Variants in LYNX1 observed in about 807,000 individuals in gnomAD.
LYNX1 encodes Ly6/neurotoxin 1, also known as ly-6/neurotoxin-like protein 1.
Under a neutral mutation model 8.3 loss-of-function variants are expected in LYNX1, and 8 were observed. The ratio of observed to expected loss-of-function variants is 0.97; its 90% CI spans 0.57 to 1.74. The LOEUF is 1.74. LYNX1 is among the 40% of genes most tolerant of loss of function. The pLI is 0.00. For synonymous variants in LYNX1, 73 were observed against 67.9 expected, an observed-to-expected ratio of 1.08 and a Z score of -0.37; for missense variants, 158 against 159.7, an observed-to-expected ratio of 0.99 and a Z score of 0.06.
In LYNX1 at chr8:142,775,217, T is replaced by G. The variant is rs1815353003; in HGVS notation, c.301A>C (p.Thr101Pro). The G allele has an allele frequency of 2.5e-6, 4 of 1,612,740 alleles. No homozygotes were observed. In the East Asian group the frequency reaches 8.9e-5, roughly 36 times the overall value. ...AGGAGGATGGGGGCCAGGGCCAGGG[T>G]GGCCGGGGTGGCAAGGCCGGTGCCG... ...CNGTGLATPA[T>P]LALAPILLAT... Residue 101 changes from threonine (T) to proline (P), a missense_variant, in exon 4 of 4, where the codon ACC becomes CCC. Transcript: ENST00000652477.
rs948030524 is a variant in LYNX1, at chr8:142,774,799, G to A, written c.*368C>T. The A allele has an allele frequency of 7.0e-5, 77 of 1,105,152 alleles. No individual in the cohort carries two copies. In the African/African-American group the frequency reaches 1.2e-3, roughly 17 times the overall value. The allele number at this position is 1,105,152 out of a possible 1,614,324, so 68.5% of individuals were successfully genotyped here. A position where few individuals can be genotyped will look rare whatever the true frequency, so the allele number is the denominator to read the frequency against. ...CTTCCCCCTGCCCCAGCACACCAGGGGCAGACTGAGGCAGGGGCCTCTCCT... is the reference window on the plus strand; with the variant it reads ...CTTCCCCCTGCCCCAGCACACCAGGAGCAGACTGAGGCAGGGGCCTCTCCT... On this transcript the variant is annotated 3_prime_UTR_variant, in exon 4 of 4. Transcript: ENST00000652477.
chr8:142,775,022 G>A lies in LYNX1; in HGVS notation c.*145C>T. The A allele has an allele frequency of 6.9e-7, 1 of 1,442,270 alleles. No individual in the cohort carries two copies. The highest frequency in any genetic ancestry group is 9.1e-7 in the Non-Finnish European group (1 of 1,101,574). 89.3% of individuals were successfully genotyped at this position (1,442,270 alleles called of 1,614,324 possible). ...GTCGTGTGGTGGTTGGGGGAGGTCG[G>A]GTGTCTTCTTGCCCACAGTCCTGAC... On this transcript the variant is annotated 3_prime_UTR_variant, in exon 4 of 4. Coordinates refer to ENST00000652477, the MANE Select transcript of LYNX1 (RefSeq NM_177477.4).
chr8:142,776,665 C>CT (rs2130122367), intron 1 of LYNX1: 1 of 153,284 alleles, frequency 6.5e-6, no homozygotes, highest in Admixed American at 6.5e-5. Context: ...TCCTCGGCCA[C>CT]TGCAGAAGCT....
Position 142,775,633 on chromosome 8 carries a change from G to A in LYNX1, c.114C>T (p.Arg38=), listed in dbSNP as rs747662452. ...YNGDNCFNPM[R]CPAMVAYCMT... is the part of the protein sequence containing the mutation. ...TGCAGTAGGCAACCATAGCCGGGCA[G>A]CGCATGGGGTTGAAGCAGTTGTCTC... is the stretch of plus-strand genomic sequence containing the variant. The change falls in exon 3 of 4, where the codon CGC becomes CGT. Residue 38 remains arginine, a synonymous_variant. Transcript: ENST00000652477. 6 of 1,602,878 alleles carry A rather than the reference G, an allele frequency of 3.7e-6. No individual in the cohort carries two copies. The South Asian group carries it at 4.5e-5, about 12-fold the overall frequency.
In LYNX1 at chr8:142,774,117, C is replaced by A; in HGVS notation, c.*1050G>T. 2 of 985,256 alleles carry A rather than the reference C, an allele frequency of 2.0e-6. No homozygotes were observed. The highest frequency in any genetic ancestry group is 2.4e-6 in the Non-Finnish European group (2 of 829,838). The allele number at this position is 985,256 out of a possible 1,614,324, so 61.0% of individuals were successfully genotyped here. ...GGAGGGACCCACTCACTGTGCGCAT[C>A]CCGCTGCGGGGGAGGGGCTGGGTCT... On this transcript the variant is annotated 3_prime_UTR_variant, in exon 4 of 4. Transcript: ENST00000652477.
intron 1 of LYNX1, 127 bp from the exon 2 acceptor site, chr8:142,776,248 G>A: frequency 2.0e-6 from 1 of 493,372 alleles, no homozygotes; most frequent in South Asian, 2.1e-5. Flanking sequence ...GTTTCCTGGA[G>A]GAGGAGACAC....
chr8:142,774,406 A>T lies in LYNX1; in HGVS notation c.*761T>A, dbSNP rs187418754. On this transcript the variant is annotated 3_prime_UTR_variant, in exon 4 of 4. Coordinates refer to ENST00000652477, the MANE Select transcript of LYNX1 (RefSeq NM_177477.4). Reference sequence around the variant, plus strand: ...CTGGCCGGGTCAGCGTCCAGGACCCACCAAATATAGCATGGCCCTAGCTCC... The same window carrying T: ...CTGGCCGGGTCAGCGTCCAGGACCCTCCAAATATAGCATGGCCCTAGCTCC... 1,837 of 985,674 alleles carry T rather than the reference A, an allele frequency of 1.9e-3. 25 individuals are homozygous for T. The African/African-American group carries it at 0.028, about 15-fold the overall frequency. 61.1% of individuals were successfully genotyped at this position (985,674 alleles called of 1,614,324 possible).
chr8:142,776,009 C>T lies in LYNX1; in HGVS notation c.-52G>A. ...AGTGGGGAGGTCAACAGCAGCTAGC[C>T]CTGGATCCAACTCAGGGGTGGCGCA... On this transcript the variant is annotated 5_prime_UTR_variant, in exon 2 of 4. Transcript: ENST00000652477. 1 of 1,604,948 alleles carries T rather than the reference C, an allele frequency of 6.2e-7. No individual in the cohort carries two copies. The highest frequency in any genetic ancestry group is 8.5e-7 in the Non-Finnish European group (1 of 1,174,334).
Position 142,775,575 on chromosome 8 carries a change from C to T in LYNX1, c.154+18G>A. On this transcript the variant is annotated intron_variant, in intron 3 of 3. Coordinates refer to ENST00000652477, the MANE Select transcript of LYNX1 (RefSeq NM_177477.4). ...TTCGTGCTCCCCAGGCAGGGCCACG[C>T]AGGGCCCCCAGACTCACAGGTGCGC... 6.3e-7 allele frequency: 1 copy of T among 1,575,288 alleles called. No individual in the cohort carries two copies. The highest frequency in any genetic ancestry group is 1.2e-5 in the South Asian group (1 of 86,182).
rs552482422 is a variant in LYNX1, at chr8:142,776,530, T to C, written c.-164-409A>G. 4.9e-5 allele frequency: 8 copies of C among 162,844 alleles called. No individual in the cohort carries two copies. The South Asian group carries it at 1.1e-3, about 23-fold the overall frequency. 10.1% of individuals were successfully genotyped at this position (162,844 alleles called of 1,614,324 possible). A position where few individuals can be genotyped will look rare whatever the true frequency, so the allele number is the denominator to read the frequency against. ...GCCCTGGGGGCCGGATGGCTGGCCA[T>C]GGCAGGACTGGGCCCAAAAGCTGGG... On this transcript the variant is annotated intron_variant, in intron 1 of 3. Transcript: ENST00000652477.
Position 142,772,267 on chromosome 8 carries a change from G to A in LYNX1, c.*2900C>T. 1 of 985,970 alleles carries A rather than the reference G, an allele frequency of 1.0e-6. No homozygotes were observed. Among genetic ancestry groups the A allele is most frequent in the Non-Finnish European group, 1.2e-6 (1 of 830,056 alleles). The allele number at this position is 985,970 out of a possible 1,614,324, so 61.1% of individuals were successfully genotyped here. On this transcript the variant is annotated 3_prime_UTR_variant, in exon 4 of 4. Coordinates refer to ENST00000652477, the MANE Select transcript of LYNX1 (RefSeq NM_177477.4). ...GAAGGGGACCCTCGGTTCTGCGAGA[G>A]AGATCCCCGAAGTGGGAACTGGGCC... is the stretch of plus-strand genomic sequence containing the variant.
chr8:142,777,851 G>C (rs767982578), upstream of LYNX1: 3 of 398,784 alleles, frequency 7.5e-6, no homozygotes, highest in Non-Finnish European at 8.8e-6. Flanking sequence ...CGCCCGCGCC[G>C]CGTCGTTTGT....
chr8:142,777,082 GC>G (rs1437907637), intron 1 of LYNX1, 23 bp downstream of exon 1: 15 of 152,130 alleles, frequency 9.9e-5, no homozygotes, highest in African/African-American at 2.7e-4. Flanking sequence ...CTCGGCGCGA[GC>G]GGGACTATCA....
rs1587617291 is a variant in LYNX1, at chr8:142,775,994, T to C, written c.-37A>G. 3 of 1,610,600 alleles carry C rather than the reference T, an allele frequency of 1.9e-6. No individual in the cohort carries two copies. The East Asian group carries it at 6.7e-5, about 36-fold the overall frequency. On this transcript the variant is annotated 5_prime_UTR_variant, in exon 2 of 4. Coordinates refer to ENST00000652477, the MANE Select transcript of LYNX1 (RefSeq NM_177477.4). ...GGAGGGCAGCGTGGGAGTGGGGAGG[T>C]CAACAGCAGCTAGCCCTGGATCCAA...
Position 142,772,511 on chromosome 8 carries a change from G to C in LYNX1, c.*2656C>G, listed in dbSNP as rs587645080. 1.0e-6 allele frequency: 1 copy of C among 985,388 alleles called. No homozygotes were observed. Among genetic ancestry groups the C allele is most frequent in the Non-Finnish European group, 1.2e-6 (1 of 829,956 alleles). 61.0% of individuals were successfully genotyped at this position (985,388 alleles called of 1,614,324 possible). A position where few individuals can be genotyped will look rare whatever the true frequency, so the allele number is the denominator to read the frequency against. Reference sequence around the variant, plus strand: ...GAGAAGCGGCTGCACTGTGGTGCAGGGGGTGGTGAGTGAGCGAGGAGGCAC... The same window carrying C: ...GAGAAGCGGCTGCACTGTGGTGCAGCGGGTGGTGAGTGAGCGAGGAGGCAC... On this transcript the variant is annotated 3_prime_UTR_variant, in exon 4 of 4. Coordinates refer to ENST00000652477, the MANE Select transcript of LYNX1 (RefSeq NM_177477.4).
chr8:142,771,371 C>G lies in LYNX1; in HGVS notation c.*3796G>C. 1.0e-6 allele frequency: 1 copy of G among 985,566 alleles called. No individual in the cohort carries two copies. The highest frequency in any genetic ancestry group is 1.2e-6 in the Non-Finnish European group (1 of 830,028). 61.1% of individuals were successfully genotyped at this position (985,566 alleles called of 1,614,324 possible). ...TCCATTCAGCGGGCACTTATGCCCA[C>G]GACCAGCTGAGCCAGACCAGCATTC... On this transcript the variant is annotated 3_prime_UTR_variant, in exon 4 of 4. Transcript: ENST00000652477.
intron 2 of LYNX1, 96 bp from the exon 3 acceptor site, chr8:142,775,790 G>C (rs2304397): frequency 1.3e-6 from 2 of 1,537,404 alleles, no homozygotes; most frequent in African/African-American, 1.4e-5. Flanking sequence ...CACCTTCCCC[G>C]GGGCAGGGGG....
In LYNX1 at chr8:142,774,923, G is replaced by A; in HGVS notation, c.*244C>T. 7.1e-7 allele frequency: 1 copy of A among 1,414,572 alleles called. No homozygotes were observed. The highest frequency in any genetic ancestry group is 2.9e-5 in the Admixed American group (1 of 34,186). 87.6% of individuals were successfully genotyped at this position (1,414,572 alleles called of 1,614,324 possible). ...CATAAATAGCCCTGGACAGGCGAGGGGCTGATCAGCCCATCAAAGCCGGAC... is the reference window on the plus strand; with the variant it reads ...CATAAATAGCCCTGGACAGGCGAGGAGCTGATCAGCCCATCAAAGCCGGAC... On this transcript the variant is annotated 3_prime_UTR_variant, in exon 4 of 4. Transcript: ENST00000652477.
chr8:142,776,163 T>A, intron 1 of LYNX1, 42 bp from the exon 2 acceptor site: 1 of 605,110 alleles, frequency 1.7e-6, no homozygotes. Flanking sequence ...GTACTGGGCC[T>A]GAAGGACCCA....
Sources: allele counts gnomAD v4.1 joint callset, GRCh38; gene constraint gnomAD v4.1.1; transcripts MANE v1.5; gene names NCBI Gene and HGNC (gene_info 2026-07-23, HGNC 2026-07-21).